The following HNRNPH3 variants were observed in gnomAD, a reference collection of about 807,000 sequenced individuals.
The protein encoded by HNRNPH3 is heterogeneous nuclear ribonucleoprotein H3.
In HNRNPH3, 7 loss-of-function variants were observed where a neutral mutation model predicts 47.0. That is an observed-to-expected ratio of 0.15 (90% confidence interval 0.08 to 0.28). The LOEUF is 0.28. Among genes scored for constraint, HNRNPH3 ranks in the 10% least tolerant of loss-of-function variants. The pLI is 1.00. For missense variants in HNRNPH3, 279 were observed against 449.6 expected (o/e 0.62, Z 3.43); for synonymous variants, 120 against 143.2 (o/e 0.84, Z 1.16).
intron 4 of HNRNPH3, 57 bp downstream of exon 4, chr10:68,338,744 T>A: frequency 7.3e-7 from 1 of 1,361,416 alleles, no homozygotes; most frequent in Non-Finnish European, 9.9e-7. Flanking sequence ...TTCCTGACAC[T>A]TTGTCAAGAA....
At position 68,341,962 on chromosome 10, in the gene HNRNPH3, A is replaced by AT. The variant is rs755876636; in HGVS notation, c.965-15dup. The AT allele has an allele frequency of 1.8e-5, 29 of 1,612,990 alleles. No homozygotes were observed. The African/African-American group carries it at 3.7e-4, about 21-fold the overall frequency. ...GATATCTCCTGCTGAGTGATTCTTA[A>AT]TATCTTTTTCTTAAGGCCGTGGTGG... is the stretch of plus-strand genomic sequence containing the variant. On this transcript the variant is annotated splice_polypyrimidine_tract_variant and intron_variant, in intron 9 of 9. Coordinates refer to ENST00000265866, the MANE Select transcript of HNRNPH3 (RefSeq NM_012207.3).
intron 1 of HNRNPH3, chr10:68,332,755 CCCTT>C (rs2045251131): frequency 6.6e-6 from 1 of 152,298 alleles, no homozygotes; most frequent in South Asian, 2.1e-4. Context: ...ACCGCGGCCT[CCCTT>C]CCTCCGCAGT....
At chr10:68,339,101 G>T (rs368135325) in intron 4 of HNRNPH3, 39 bp from the exon 5 acceptor site, 69 of 1,438,798 alleles carry the variant, frequency 4.8e-5, no homozygotes, top group Admixed American at 8.2e-5. Context: ...TTTATCTCTG[G>T]AAAGTGTGTA....
rs1589710425 is a variant in HNRNPH3, at chr10:68,339,242, A to C, written c.523+16A>C. 6.4e-7 allele frequency: 1 copy of C among 1,574,722 alleles called. No individual in the cohort carries two copies. The highest frequency in any genetic ancestry group is 8.7e-7 in the Non-Finnish European group (1 of 1,146,948). On this transcript the variant is annotated intron_variant, in intron 5 of 9. Coordinates refer to ENST00000265866, the MANE Select transcript of HNRNPH3 (RefSeq NM_012207.3). ...GATGGAAGAGGTAAAATAAATATTA[A>C]AGACATTTTTATTCATAGGTAAATT...
chr10:68,338,246 C>CT (rs1253525350), intron 3 of HNRNPH3: 1 of 449,968 alleles, frequency 2.2e-6, no homozygotes, highest in Non-Finnish European at 3.9e-6. Context: ...CACCTATTTC[C>CT]TTTAAAACAC....
In HNRNPH3 at chr10:68,339,240, T is replaced by C. The variant is rs1298966344; in HGVS notation, c.523+14T>C. ...GAGATGGAAGAGGTAAAATAAATAT[T>C]AAAGACATTTTTATTCATAGGTAAA... On this transcript the variant is annotated intron_variant, in intron 5 of 9. Transcript: ENST00000265866. The C allele has an allele frequency of 3.8e-6, 6 of 1,574,024 alleles. No homozygotes were observed. Among genetic ancestry groups the C allele is most frequent in the African/African-American group, 1.4e-5 (1 of 73,908 alleles).
At chr10:68,341,547 TC>T (rs1012743635) in intron 7 of HNRNPH3, 37 bp from the exon 8 acceptor site, 4 of 1,369,880 alleles carry the variant, frequency 2.9e-6, no homozygotes, top group Non-Finnish European at 4.1e-6. Flanking sequence ...TATCCATCAT[TC>T]CTTTCTCCCC....
Position 68,343,029 on chromosome 10 carries a change from G to A in HNRNPH3, c.*975G>A, listed in dbSNP as rs2046057185. 6.6e-6 allele frequency: 1 copy of A among 152,142 alleles called. No homozygotes were observed. Among genetic ancestry groups the A allele is most frequent in the African/African-American group, 2.4e-5 (1 of 41,422 alleles). The allele number at this position is 152,142 out of a possible 1,614,324, so 9.4% of individuals were successfully genotyped here. A position where few individuals can be genotyped will look rare whatever the true frequency, so the allele number is the denominator to read the frequency against. On this transcript the variant is annotated 3_prime_UTR_variant, in exon 10 of 10. Coordinates refer to ENST00000265866, the MANE Select transcript of HNRNPH3 (RefSeq NM_012207.3). ...TTTTAGTTTAAAGAATCTATATGTA[G>A]CAAGGAAAAGGTGCTTTTTAATTTT...
chr10:68,334,612 A>G (rs1265002601), intron 1 of HNRNPH3, among the ~76,000 whole-genome samples: 11 of 152,208 alleles, frequency 7.2e-5, no homozygotes, highest in Non-Finnish European at 1.6e-4. Context: ...GCCTCAGACA[A>G]TCATGAATAG....
intron 1 of HNRNPH3, 137 bp downstream of exon 1, chr10:68,332,353 G>A (rs1343227684): frequency 6.6e-6 from 1 of 152,166 alleles, no homozygotes; most frequent in Non-Finnish European, 1.5e-5. Context: ...GGAAGCGGCG[G>A]GGCTGCGCCT....
In HNRNPH3 at chr10:68,337,948, A is replaced by C; in HGVS notation, c.203A>C (p.Glu68Ala). 6.2e-7 allele frequency: 1 copy of C among 1,613,526 alleles called. No individual in the cohort carries two copies. Among genetic ancestry groups the C allele is most frequent in the Non-Finnish European group, 8.5e-7 (1 of 1,179,558 alleles). The change falls in exon 3 of 10, where the codon GAG (glutamate) becomes GCG (alanine). Residue 68 changes from glutamate to alanine, a missense_variant. This residue lies in a region of HNRNPH3 where 40 missense variants were observed against 113.8 expected (regional missense o/e 0.35). Coordinates refer to ENST00000265866, the MANE Select transcript of HNRNPH3 (RefSeq NM_012207.3). The surrounding 1 kb of genome is among the most constrained non-coding windows in gnomAD (Gnocchi z 4.5). Reference protein sequence around the residue: ...GEAFVQFASKEIAENALGKHK... With the variant: ...GEAFVQFASKAIAENALGKHK... ...GCCTTCGTGCAGTTTGCTTCAAAGG[A>C]GATAGCAGAAAATGCTCTGGGGAAA...
intron 1 of HNRNPH3, among the ~76,000 whole-genome samples, chr10:68,334,112 AGTGAACT>A (rs1220477732): frequency 2.6e-5 from 4 of 152,334 alleles, no homozygotes; most frequent in African/African-American, 7.2e-5. Context: ...ACCTGGTTCT[AGTGAACT>A]AACATTTTAG....
chr10:68,337,442 C>A lies in HNRNPH3; in HGVS notation c.112+109C>A. On this transcript the variant is annotated intron_variant, in intron 2 of 9. Coordinates refer to ENST00000265866, the MANE Select transcript of HNRNPH3 (RefSeq NM_012207.3). The surrounding 1 kb of genome is among the most constrained non-coding windows in gnomAD (Gnocchi z 4.5). ...TTGATTTTGGAACTTTTAAGTTTAA[C>A]TATGATAGTCTTGGTTAATGTATTA... The A allele has an allele frequency of 1.5e-6, 1 of 677,586 alleles. No homozygotes were observed. The highest frequency in any genetic ancestry group is 1.9e-5 in the South Asian group (1 of 54,008). 42.0% of individuals were successfully genotyped at this position (677,586 alleles called of 1,614,324 possible).
chr10:68,332,943 A>G lies in HNRNPH3; in HGVS notation c.-24+727A>G, dbSNP rs1392767732. 2.6e-5 allele frequency: 4 copies of G among 152,100 alleles called. 1 individual carries two copies. Among genetic ancestry groups the G allele is most frequent in the Admixed American group, 2.0e-4 (3 of 15,262 alleles). The allele number at this position is 152,100 out of a possible 1,614,324, so 9.4% of individuals were successfully genotyped here. On this transcript the variant is annotated intron_variant, in intron 1 of 9. Transcript: ENST00000265866. Reference sequence around the variant, plus strand: ...TTTGTAATTCTGCCGCCCGGTGGCGAAGGGTTTTAAGCCAGGCTTGGCTGC... The same window carrying G: ...TTTGTAATTCTGCCGCCCGGTGGCGGAGGGTTTTAAGCCAGGCTTGGCTGC...
Position 68,337,887 on chromosome 10 carries a change from T to C in HNRNPH3, c.142T>C (p.Leu48=), listed in dbSNP as rs775511128. The C allele has an allele frequency of 8.7e-6, 14 of 1,613,488 alleles. No homozygotes were observed. Among genetic ancestry groups the C allele is most frequent in the Non-Finnish European group, 1.2e-5 (14 of 1,179,612 alleles). ...GLEIVPNGIT[L]TMDYQGRSTG... ...GGAAATCGTGCCAAATGGGATAACA[T>C]TGACGATGGACTACCAGGGGAGAAG... The change falls in exon 3 of 10, where the codon TTG becomes CTG. Residue 48 remains leucine (L), a synonymous_variant. Coordinates refer to ENST00000265866, the MANE Select transcript of HNRNPH3 (RefSeq NM_012207.3). The surrounding 1 kb of genome is among the most constrained non-coding windows in gnomAD (Gnocchi z 4.5).
rs369585587 is a variant in HNRNPH3 at position 68,341,457 on chromosome 10, G to A, written c.776-128G>A. ...TGGCTTTCTGTGGGCTTTATATATC[G>A]CTGTACTAGTAATTAATAAGCATAC... On this transcript the variant is annotated intron_variant, in intron 7 of 9. Coordinates refer to ENST00000265866, the MANE Select transcript of HNRNPH3 (RefSeq NM_012207.3). 1.4e-5 allele frequency: 14 copies of A among 990,466 alleles called. No homozygotes were observed. In the South Asian group the frequency reaches 1.6e-4, roughly 12 times the overall value. 61.4% of individuals were successfully genotyped at this position (990,466 alleles called of 1,614,324 possible).
intron 1 of HNRNPH3, chr10:68,332,906 CAGACGGCCTCCTTTGTAATT>C (rs957362509): frequency 1.3e-5 from 2 of 152,218 alleles, no homozygotes; most frequent in African/African-American, 4.8e-5. Flanking sequence ...ACAAAGGAGG[CAGACGGCCTCCTTTGTAATT>C]CTGCCGCCCG....
At chr10:68,338,463 A>G (rs1165091390) in intron 3 of HNRNPH3, 40 bp from the exon 4 acceptor site, 1 of 1,368,724 alleles carries the variant, frequency 7.3e-7, no homozygotes, top group African/African-American at 1.5e-5. Context: ...ACACTAATAC[A>G]TTTATGCTGA....
intron 1 of HNRNPH3, among the ~76,000 whole-genome samples, 198 bp downstream of exon 1, chr10:68,332,414 G>T (rs1352119207): frequency 6.6e-6 from 1 of 152,208 alleles, no homozygotes; most frequent in Non-Finnish European, 1.5e-5. Flanking sequence ...GGGAGGACTT[G>T]CTCAGGTGGA....
Sources: gnomAD v4.1 joint callset for allele counts (sites outside exome capture counted in the v4.1 genomes callset) on GRCh38, gnomAD v4.1.1 for gene constraint, gnomAD v4.1.1 regional missense constraint, Gnocchi (gnomAD v3.1) non-coding constraint, MANE v1.5 for transcripts, NCBI Gene and HGNC (gene_info 2026-07-23, HGNC 2026-07-21) for gene names.